CSMD1: variants seen among roughly 807,000 people sequenced by gnomAD.
CSMD1 encodes the protein CUB and Sushi multiple domains 1.
In CSMD1, 213 loss-of-function variants were observed where a neutral mutation model predicts 417.5. The observed-to-expected ratio is 0.51, with a 90% CI of 0.46 to 0.57. CSMD1 has a LOEUF of 0.57. Ranked by LOEUF, CSMD1 falls within the 20% of genes least tolerant of loss-of-function variation. CSMD1 has a pLI of 0.00. For synonymous variants in CSMD1, 2,862 were observed against 1,736.8 expected, an observed-to-expected ratio of 1.65 and a Z score of -16.11; for missense variants, 6,923 against 4,529.7, an observed-to-expected ratio of 1.53 and a Z score of -15.17.
intron 37 of CSMD1, among the ~76,000 whole-genome samples, chr8:3,175,476 C>CCTTA (rs1173508590): frequency 4.0e-5 from 3 of 75,594 alleles, no homozygotes; most frequent in African/African-American, 1.6e-4. Context: ...CCTTCTTTTC[C>CCTTA]CTTCCTTCCT....
rs1260860180 is a variant in CSMD1 at position 3,359,262 on chromosome 8, T to C, written c.3194A>G (p.Asp1065Gly). ...RRIGFHFGVG[D>G]SLTFSCFLGY... is the part of the protein sequence containing the mutation. ...CAGGAAGCAGGAAAACGTCAGAGAGTCTCCCACACCAAAGTGAAAACCAAT... is the reference window on the plus strand; with the variant it reads ...CAGGAAGCAGGAAAACGTCAGAGAGCCTCCCACACCAAAGTGAAAACCAAT... Residue 1065 changes from aspartate (D) to glycine (G), a missense_variant, in exon 21 of 70, where the codon GAC (aspartate) becomes GGC (glycine). By Grantham distance (94) the Asp-to-Gly change is moderately conservative (BLOSUM62 -1). Coordinates refer to ENST00000635120, the MANE Select transcript of CSMD1 (RefSeq NM_033225.6). 1.9e-6 allele frequency: 3 copies of C among 1,613,446 alleles called. No individual in the cohort carries two copies. Among genetic ancestry groups the C allele is most frequent in the Admixed American group, 1.7e-5 (1 of 59,962 alleles).
intron 1 of CSMD1, among the ~76,000 whole-genome samples, chr8:4,719,572 C>A (rs1006060730): frequency 7.1e-6 from 1 of 141,796 alleles, no homozygotes; most frequent in South Asian, 2.3e-4. Flanking sequence ...ATTATTGCAT[C>A]CTTTCTAAGA....
intron 2 of CSMD1, among the ~76,000 whole-genome samples, chr8:4,484,736 G>T (rs909750747): frequency 6.6e-6 from 1 of 152,074 alleles, no homozygotes; most frequent in Non-Finnish European, 1.5e-5. Flanking sequence ...TTGGGAGGCA[G>T]AGACGGGCGG....
At chr8:3,666,647 G>C (rs1209826757) in intron 7 of CSMD1, among the ~76,000 whole-genome samples, 2 of 152,050 alleles carry the variant, frequency 1.3e-5, no homozygotes, top group African/African-American at 4.8e-5. Flanking sequence ...TGAATCATGG[G>C]GGCAGTTTCC....
chr8:4,220,695 A>G (rs1800977148), intron 3 of CSMD1, among the ~76,000 whole-genome samples: 1 of 152,180 alleles, frequency 6.6e-6, no homozygotes, highest in South Asian at 2.1e-4. Flanking sequence ...GATCAAGAAC[A>G]TTTCCCAGGT....
intron 50 of CSMD1, among the ~76,000 whole-genome samples, chr8:3,051,759 T>C (rs1811832037): frequency 6.6e-6 from 1 of 152,220 alleles, no homozygotes; most frequent in African/African-American, 2.4e-5. Flanking sequence ...TTATTTCCAA[T>C]TTGAGTCTAG....
At chr8:3,555,687 G>A (rs1799113116) in intron 10 of CSMD1, among the ~76,000 whole-genome samples, 1 of 152,156 alleles carries the variant, frequency 6.6e-6, no homozygotes, top group African/African-American at 2.4e-5. Context: ...ATGTGAGGGT[G>A]CATAAAAATA....
chr8:4,096,991 G>C (rs1442922879), intron 3 of CSMD1, among the ~76,000 whole-genome samples: 1 of 152,170 alleles, frequency 6.6e-6, no homozygotes, highest in Non-Finnish European at 1.5e-5. Context: ...GGGATGGGCA[G>C]AGATAAAATC....
intron 1 of CSMD1, among the ~76,000 whole-genome samples, chr8:4,849,922 C>T (rs1183620971): frequency 1.3e-5 from 2 of 152,154 alleles, no homozygotes; most frequent in African/African-American, 4.8e-5. Flanking sequence ...TATTATGATG[C>T]TATGTTTAAA....
chr8:3,985,394 T>C (rs1282394453), intron 5 of CSMD1, among the ~76,000 whole-genome samples: 2 of 152,184 alleles, frequency 1.3e-5, no homozygotes, highest in African/African-American at 2.4e-5. Flanking sequence ...TAAATGAATA[T>C]ACATCTACCC....
intron 2 of CSMD1, among the ~76,000 whole-genome samples, chr8:4,509,141 G>C (rs555575435): frequency 6.6e-6 from 1 of 152,260 alleles, no homozygotes; most frequent in African/African-American, 2.4e-5. Context: ...ATAAACAATA[G>C]ACCTTTTAGG....
At position 3,462,127 on chromosome 8, in the gene CSMD1, C is replaced by G. The variant is rs537433446; in HGVS notation, c.1561+6585G>C. Among the ~76,000 whole-genome samples the G allele has an allele frequency of 5.9e-5, 9 of 152,194 alleles. No homozygotes were observed. In the South Asian group the frequency reaches 1.7e-3, roughly 28 times the overall value. On this transcript the variant is annotated intron_variant, in intron 12 of 69. Transcript: ENST00000635120. ...GTGCTCTCTTCAGAATCCAGGCCCC[C>G]CCCCCCACCTCCCAGCTGCTCGGGA... is the stretch of plus-strand genomic sequence containing the variant.
At chr8:4,082,869 G>GT (rs944308704) in intron 3 of CSMD1, among the ~76,000 whole-genome samples, 4 of 149,108 alleles carry the variant, frequency 2.7e-5, no homozygotes, top group African/African-American at 7.4e-5. Flanking sequence ...GCGGTGTTTG[G>GT]TTTTTTGTCC....
In CSMD1 at chr8:3,966,037, G is replaced by C. The variant is rs537990258; in HGVS notation, c.818+31866C>G. 4.6e-5 allele frequency among the ~76,000 whole-genome samples: 7 copies of C among 152,300 alleles called. No individual in the cohort carries two copies. In the South Asian group the frequency reaches 1.2e-3, roughly 27 times the overall value. On this transcript the variant is annotated intron_variant, in intron 5 of 69. Transcript: ENST00000635120. ...ATTTTAGAAAGAAGCAGAAGACACT[G>C]GTGAGAGAATGAATGACTCTAGAAT...
chr8:3,812,500 A>G (rs1435236596), intron 5 of CSMD1, among the ~76,000 whole-genome samples: 2 of 152,230 alleles, frequency 1.3e-5, no homozygotes, highest in Admixed American at 6.5e-5. Flanking sequence ...TCTTTTCACA[A>G]CACTGAAAAA....
At chr8:3,296,461 T>G (rs1040440344) in intron 25 of CSMD1, among the ~76,000 whole-genome samples, 2 of 152,142 alleles carry the variant, frequency 1.3e-5, no homozygotes, top group Non-Finnish European at 2.9e-5. Flanking sequence ...TAGGCTGTTT[T>G]AAGGATGATA....
intron 3 of CSMD1, among the ~76,000 whole-genome samples, chr8:4,240,996 G>C (rs775825567): frequency 1.3e-5 from 2 of 152,092 alleles, no homozygotes; most frequent in Non-Finnish European, 1.5e-5. Flanking sequence ...TCCAGCCAAC[G>C]TCTCAGTGAA....
At chr8:4,036,192 A>G (rs939962254) in intron 3 of CSMD1, among the ~76,000 whole-genome samples, 1 of 152,206 alleles carries the variant, frequency 6.6e-6, no homozygotes. Context: ...ATGTTTGCAC[A>G]GGGACAAAAT....
intron 3 of CSMD1, among the ~76,000 whole-genome samples, chr8:4,071,331 A>G (rs538415541): frequency 1.8e-4 from 27 of 152,276 alleles, no homozygotes; most frequent in African/African-American, 5.8e-4. Context: ...CCATTGGACT[A>G]ACATCATCAA....
Sources: allele counts gnomAD v4.1 joint callset (sites outside exome capture counted in the v4.1 genomes callset), GRCh38; gene constraint gnomAD v4.1.1; transcripts MANE v1.5; gene names NCBI Gene and HGNC (gene_info 2026-07-23, HGNC 2026-07-21).